The following SLC4A8 variants were observed in gnomAD, a reference collection of about 807,000 sequenced individuals.
SLC4A8 encodes the protein solute carrier family 4 member 8.
In SLC4A8, 40 loss-of-function variants were observed where a neutral mutation model predicts 125.0. The observed-to-expected ratio is 0.32, with a 90% CI of 0.25 to 0.42. SLC4A8 has a LOEUF of 0.42. Among genes scored for constraint, SLC4A8 ranks in the 10% least tolerant of loss-of-function variants. The probability of loss-of-function intolerance (pLI) is 1.00; values close to 1 mark genes in which losing one functional copy is unlikely to be tolerated. For missense variants in SLC4A8, 863 were observed against 1,355.1 expected (o/e 0.64, Z 5.70); for synonymous variants, 456 against 476.0 (o/e 0.96, Z 0.55).
upstream of SLC4A8, chr12:51,424,721 TCCTCC>T: frequency 2.2e-6 from 1 of 452,940 alleles, no homozygotes; most frequent in Non-Finnish European, 3.9e-6. Flanking sequence ...GCTCCCCGGC[TCCTCC>T]CCCTCCCCGC....
rs11830950 is a variant in SLC4A8, at chr12:51,463,805, C to T, written c.1349+91C>T. 953 of 827,634 alleles carry T rather than the reference C, an allele frequency of 1.2e-3. 3 individuals carry two copies. In the African/African-American group the frequency reaches 0.014, roughly 12 times the overall value. The allele number at this position is 827,634 out of a possible 1,614,324, so 51.3% of individuals were successfully genotyped here. A position where few individuals can be genotyped will look rare whatever the true frequency, so the allele number is the denominator to read the frequency against. ...ATCTTCTTTCTTTCAGCCTACTTCTCTGTGGTGGGAATTTATTGGCTGAAG... is the reference window on the plus strand; with the variant it reads ...ATCTTCTTTCTTTCAGCCTACTTCTTTGTGGTGGGAATTTATTGGCTGAAG... On this transcript the variant is annotated intron_variant, in intron 11 of 24. Coordinates refer to ENST00000453097, the MANE Select transcript of SLC4A8 (RefSeq NM_001039960.3).
At chr12:51,406,281 AT>A in intron 1 of SLC4A8, among the ~76,000 whole-genome samples, 1 of 152,264 alleles carries the variant, frequency 6.6e-6, no homozygotes, top group Non-Finnish European at 1.5e-5. Context: ...TTGGCCTGGT[AT>A]AAATAACATT....
chr12:51,461,234 G>A lies in SLC4A8; in HGVS notation c.1044G>A (p.Gly348=). The change falls in exon 9 of 25, where the codon GGG becomes GGA. Residue 348 remains glycine, a synonymous_variant. Transcript: ENST00000453097. The part of the protein sequence containing the change: ...RFLFILLGPV[G]KGQQYHEIGR... ...TGTTTATCTTATTGGGTCCAGTAGG[G>A]AAAGGTCAGCAGTACCATGAGATTG... is the stretch of plus-strand genomic sequence containing the variant. 6.2e-7 allele frequency: 1 copy of A among 1,612,816 alleles called. No individual in the cohort carries two copies. Among genetic ancestry groups the A allele is most frequent in the Non-Finnish European group, 8.5e-7 (1 of 1,178,944 alleles).
chr12:51,471,339 G>A lies in SLC4A8; in HGVS notation c.1711G>A (p.Ala571Thr), dbSNP rs773896386. Residue 571 changes from alanine (A) to threonine (T), a missense_variant, in exon 14 of 25, where the codon GCT (alanine) becomes ACT (threonine). By Grantham distance (58) the Ala-to-Thr change is moderately conservative. Transcript: ENST00000453097. The stretch of plus-strand genomic sequence containing the variant: ...GCGAGCTTGTATTGGACTGTGGACC[G>A]CTTTCCTGTGTATTGTCCTTGTGGC... ...SLRACIGLWT[A>T]FLCIVLVATD... is the part of the protein sequence containing the mutation. The A allele has an allele frequency of 2.1e-5, 34 of 1,613,714 alleles. No homozygotes were observed. Among genetic ancestry groups the A allele is most frequent in the Non-Finnish European group, 2.7e-5 (32 of 1,179,930 alleles).
intron 17 of SLC4A8, among the ~76,000 whole-genome samples, chr12:51,486,706 A>C (rs1951173021): frequency 6.6e-6 from 1 of 152,230 alleles, no homozygotes; most frequent in African/African-American, 2.4e-5. Flanking sequence ...GGTGAGGAGA[A>C]GGCCGACAGG....
intron 2 of SLC4A8, among the ~76,000 whole-genome samples, chr12:51,444,697 T>C (rs1565780575): frequency 1.3e-5 from 2 of 152,314 alleles, no homozygotes; most frequent in East Asian, 1.9e-4. Flanking sequence ...TTCTGAAGAA[T>C]AACCTAGCCT....
chr12:51,464,428 C>T (rs540552588), intron 11 of SLC4A8, among the ~76,000 whole-genome samples: 6 of 152,298 alleles, frequency 3.9e-5, no homozygotes, highest in African/African-American at 1.4e-4. Context: ...AATAGGCAAT[C>T]TACTCTTCTA....
At chr12:51,493,939 C>T (rs1951388595) in intron 20 of SLC4A8, among the ~76,000 whole-genome samples, 167 bp downstream of exon 20, 1 of 152,234 alleles carries the variant, frequency 6.6e-6, no homozygotes, top group South Asian at 2.1e-4. Context: ...GGGAGAAAAA[C>T]AGCCATGTTG....
chr12:51,465,402 C>T (rs973590589), intron 11 of SLC4A8, among the ~76,000 whole-genome samples: 2 of 152,054 alleles, frequency 1.3e-5, no homozygotes, highest in African/African-American at 2.4e-5. Flanking sequence ...GAGAGGTGGT[C>T]ACTTATAATC....
At chr12:51,469,928 ACAT>A in intron 12 of SLC4A8, 140 bp downstream of exon 12, 2 of 696,126 alleles carry the variant, frequency 2.9e-6, no homozygotes, top group South Asian at 3.8e-5. Flanking sequence ...TGGTCTTCTG[ACAT>A]CACACCAAAG....
At chr12:51,469,857 A>AC in intron 12 of SLC4A8, 69 bp downstream of exon 12, 1 of 1,471,700 alleles carries the variant, frequency 6.8e-7, no homozygotes, top group South Asian at 1.2e-5. Context: ...AGCCAGGTCC[A>AC]CTGTGGGGGA....
intron 1 of SLC4A8, among the ~76,000 whole-genome samples, chr12:51,410,983 T>C (rs1345512254): frequency 2.1e-5 from 3 of 145,776 alleles, no homozygotes; most frequent in Non-Finnish European, 4.5e-5. Flanking sequence ...CAAGCCATCA[T>C]CCCACCTCAG....
intron 16 of SLC4A8, among the ~76,000 whole-genome samples, chr12:51,476,701 A>G (rs181991292): frequency 2.6e-5 from 4 of 152,240 alleles, no homozygotes; most frequent in Admixed American, 1.3e-4. Context: ...ATTGGGGGAT[A>G]GGTGCTAGTG....
At chr12:51,484,524 A>G (rs1315576217) in intron 16 of SLC4A8, among the ~76,000 whole-genome samples, 1 of 152,198 alleles carries the variant, frequency 6.6e-6, no homozygotes, top group Admixed American at 6.5e-5. Context: ...GTGGATACTC[A>G]GAGAATTTAT....
intron 5 of SLC4A8, among the ~76,000 whole-genome samples, chr12:51,454,522 G>A (rs1450368620): frequency 7.7e-6 from 1 of 129,224 alleles, no homozygotes; most frequent in Non-Finnish European, 1.6e-5. Context: ...ACAATTGTGG[G>A]GAGAGGGTCA....
intron 13 of SLC4A8, among the ~76,000 whole-genome samples, chr12:51,470,992 C>T (rs1950676405): frequency 6.6e-6 from 1 of 151,954 alleles, no homozygotes; most frequent in African/African-American, 2.4e-5. Context: ...GGACTATGGC[C>T]AGCCCCTTTT....
intron 1 of SLC4A8, among the ~76,000 whole-genome samples, chr12:51,400,756 A>G (rs1175729989): frequency 0.015 from 56 of 3,716 alleles, 12 homozygotes; most frequent in Admixed American, 0.042. Context: ...ATATATATAT[A>G]TATATATATA....
intron 19 of SLC4A8, among the ~76,000 whole-genome samples, chr12:51,491,290 A>G (rs1415550281): frequency 6.6e-6 from 1 of 152,146 alleles, no homozygotes; most frequent in African/African-American, 2.4e-5. Flanking sequence ...AGCCGAGGGA[A>G]TAGATGAGAG....
At chr12:51,475,235 A>G (rs1950824644) in intron 16 of SLC4A8, 29 bp downstream of exon 16, 1 of 1,608,462 alleles carries the variant, frequency 6.2e-7, no homozygotes, top group African/African-American at 1.3e-5. Context: ...CATTTCTTTC[A>G]CGTTAGAATC....
Sources: gnomAD v4.1 joint callset for allele counts (sites outside exome capture counted in the v4.1 genomes callset) on GRCh38, gnomAD v4.1.1 for gene constraint, MANE v1.5 for transcripts, NCBI Gene and HGNC (gene_info 2026-07-23, HGNC 2026-07-21) for gene names.